BLTP1: variants seen among roughly 807,000 people sequenced by gnomAD.
BLTP1 encodes bridge-like lipid transfer protein family member 1.
chr4:122,248,974 TC>T, the BLTP1 span: 2 of 592,816 alleles, frequency 3.4e-6, no homozygotes, highest in Non-Finnish European at 4.2e-6. Flanking sequence ...AAAACTTCTC[TC>T]AGGCACTTGG....
chr4:122,158,672 G>GAGGC, the BLTP1 span, among the ~76,000 whole-genome samples: 2 of 152,194 alleles, frequency 1.3e-5, no homozygotes, highest in African/African-American at 4.8e-5. Flanking sequence ...TCGGAAGGCT[G>GAGGC]AGGCAGGAGA....
chr4:122,198,834 A>C, the BLTP1 span, among the ~76,000 whole-genome samples: 1,062 of 152,292 alleles, frequency 7.0e-3, 12 homozygotes, highest in African/African-American at 0.025. Flanking sequence ...ATGCATGTGG[A>C]ACTAGCCATA....
chr4:122,287,150 A>G, the BLTP1 span, among the ~76,000 whole-genome samples: 1 of 152,212 alleles, frequency 6.6e-6, no homozygotes, highest in South Asian at 2.1e-4. Context: ...TGAGGTAGAA[A>G]TATTTGTTCT....
At chr4:122,346,536 C>A in the BLTP1 span, 1 of 1,479,780 alleles carries the variant, frequency 6.8e-7, no homozygotes, top group Non-Finnish European at 9.0e-7. Context: ...TATAATTCAG[C>A]TGTGTAATAA....
chr4:122,264,561 A>G, the BLTP1 span: 1 of 655,784 alleles, frequency 1.5e-6, no homozygotes, highest in African/African-American at 1.9e-5. Flanking sequence ...GCCTTCATGC[A>G]AAACAGGAGG....
At chr4:122,261,690 C>A in the BLTP1 span, 1 of 984,904 alleles carries the variant, frequency 1.0e-6, no homozygotes, top group African/African-American at 1.7e-5. Flanking sequence ...GGTTAAAAAT[C>A]TGGCTTTTTC....
the BLTP1 span, chr4:122,188,940 G>C: frequency 1.0e-6 from 1 of 985,040 alleles, no homozygotes; most frequent in African/African-American, 1.7e-5. Context: ...ATAGAAAGAG[G>C]GTTTTTCCTT....
the BLTP1 span, chr4:122,257,166 T>C: frequency 8.1e-7 from 1 of 1,237,604 alleles, no homozygotes; most frequent in Non-Finnish European, 1.1e-6. Flanking sequence ...ATGAGTATTA[T>C]GAGATTTGAA....
the BLTP1 span, among the ~76,000 whole-genome samples, chr4:122,311,392 G>A: frequency 3.3e-5 from 5 of 152,078 alleles, no homozygotes; most frequent in African/African-American, 4.8e-5. Flanking sequence ...AAGGAGATAA[G>A]CAGAGTAGTT....
the BLTP1 span, chr4:122,351,326 A>G: frequency 4.0e-6 from 2 of 503,398 alleles, no homozygotes; most frequent in South Asian, 1.7e-4. Context: ...ACCTTAGAGC[A>G]TACACCTCCA....
At chr4:122,328,040 A>G in the BLTP1 span, 18 of 1,218,726 alleles carry the variant, frequency 1.5e-5, no homozygotes, top group Middle Eastern at 3.0e-4. Context: ...GTTTAAATTT[A>G]TATATTTTTT....
At chr4:122,194,494 C>A in the BLTP1 span, 1 of 835,712 alleles carries the variant, frequency 1.2e-6, no homozygotes, top group Non-Finnish European at 1.4e-6. Context: ...TGACATATAG[C>A]ATATAGTTGA....
chr4:122,289,459 A>G, the BLTP1 span: 2 of 974,310 alleles, frequency 2.1e-6, no homozygotes, highest in Non-Finnish European at 2.4e-6. Flanking sequence ...AGCTTACAGT[A>G]TGTCTATTAA....
At chr4:122,185,752 C>T in the BLTP1 span, among the ~76,000 whole-genome samples, 1 of 151,872 alleles carries the variant, frequency 6.6e-6, no homozygotes, top group Non-Finnish European at 1.5e-5. Context: ...TTAAGTGGTA[C>T]TTTACTGTTC....
chr4:122,308,125 C>T, the BLTP1 span: 3 of 1,613,346 alleles, frequency 1.9e-6, no homozygotes, highest in Non-Finnish European at 2.5e-6. Context: ...TGTCAATGAT[C>T]TGGGAATTTG....
At chr4:122,219,365 T>A in the BLTP1 span, 34 of 1,613,708 alleles carry the variant, frequency 2.1e-5, no homozygotes, top group East Asian at 7.6e-4. Context: ...GAAGATGACA[T>A]GTATATGGAT....
chr4:122,188,467 A>C, the BLTP1 span, among the ~76,000 whole-genome samples: 2 of 152,128 alleles, frequency 1.3e-5, no homozygotes, highest in Admixed American at 6.6e-5. Flanking sequence ...TTGCAGTGGA[A>C]TACCACTTTG....
At chr4:122,296,651 A>G in the BLTP1 span, among the ~76,000 whole-genome samples, 2 of 152,228 alleles carry the variant, frequency 1.3e-5, no homozygotes, top group Non-Finnish European at 2.9e-5. Context: ...GCATCACACT[A>G]CCTGACTTCA....
chr4:122,246,489 G>A, the BLTP1 span: 5 of 579,156 alleles, frequency 8.6e-6, no homozygotes, highest in Non-Finnish European at 1.1e-5. Context: ...TTAGGTAATA[G>A]TAGAATGTTC....
Sources: allele counts gnomAD v4.1 joint callset (sites outside exome capture counted in the v4.1 genomes callset), GRCh38; gene constraint gnomAD v4.1.1; transcripts MANE v1.5; gene names NCBI Gene and HGNC (gene_info 2026-07-23, HGNC 2026-07-21).